F13A1: variants seen among roughly 807,000 people sequenced by gnomAD.
F13A1 encodes coagulation factor XIII A chain, also known as FSF, A subunit.
F13A1 carries 47 observed loss-of-function variants against 80.1 expected under a neutral mutation model. That is an observed-to-expected ratio of 0.59 (90% CI 0.46 to 0.75). F13A1 has a LOEUF of 0.75. F13A1 is among the 30% of genes least tolerant of loss of function. The pLI is 0.00. For missense variants in F13A1, 817 were observed against 930.4 expected (o/e 0.88, Z 1.59); for synonymous variants, 349 against 344.9 (o/e 1.01, Z -0.13).
rs1436824395 is a variant in F13A1 at position 6,222,140 on chromosome 6, A to G, written c.1005T>C (p.Ile335=). 1 of 1,614,080 alleles carries G rather than the reference A, an allele frequency of 6.2e-7. No individual in the cohort carries two copies. Among genetic ancestry groups the G allele is most frequent in the South Asian group, 1.1e-5 (1 of 91,084 alleles). Residue 335 remains isoleucine, a synonymous_variant, in exon 8 of 15, where the codon ATT becomes ATC. Coordinates refer to ENST00000264870, the MANE Select transcript of F13A1 (RefSeq NM_000129.4). ...FLRCLGIPAR[I]VTNYFSAHDN... Reference sequence around the variant, plus strand: ...CATGGGCAGAGAAATAATTGGTAACAATTCTTGCTGGTATTCCAAGGCATC... The same window carrying G: ...CATGGGCAGAGAAATAATTGGTAACGATTCTTGCTGGTATTCCAAGGCATC...
intron 14 of F13A1, among the ~76,000 whole-genome samples, chr6:6,147,214 G>A (rs1449184210): frequency 6.6e-6 from 1 of 152,198 alleles, no homozygotes; most frequent in Non-Finnish European, 1.5e-5. Flanking sequence ...TACTGCTTAG[G>A]TGATGGGTGA....
At chr6:6,172,343 C>G (rs1284093164) in intron 12 of F13A1, among the ~76,000 whole-genome samples, 1 of 152,130 alleles carries the variant, frequency 6.6e-6, no homozygotes, top group Non-Finnish European at 1.5e-5. Context: ...TGACTGTTGT[C>G]CTCTTCAGTC....
chr6:6,282,629 C>G (rs931375417), intron 3 of F13A1, among the ~76,000 whole-genome samples: 5 of 152,212 alleles, frequency 3.3e-5, no homozygotes, highest in African/African-American at 1.2e-4. Flanking sequence ...AAATGACCGA[C>G]AGGCTTATCC....
intron 3 of F13A1, among the ~76,000 whole-genome samples, chr6:6,293,589 C>A (rs540506889): frequency 9.9e-5 from 15 of 152,106 alleles, no homozygotes; most frequent in Admixed American, 3.3e-4. Context: ...GCACAAAGAA[C>A]CCCTGCAGCA....
intron 6 of F13A1, 80 bp downstream of exon 6, chr6:6,248,232 G>C: frequency 1.8e-6 from 2 of 1,099,612 alleles, no homozygotes; most frequent in South Asian, 1.3e-5. Flanking sequence ...CATCATTTCA[G>C]CAGCTCTTAA....
rs376857335 is a variant in F13A1, at chr6:6,213,072, C to T, written c.1112+8961G>A. The stretch of plus-strand genomic sequence containing the variant: ...GTCTGATTGGTGTACCTGAAAGTGA[C>T]GGGGAGAATGGAACCAAGTTGGAAA... On this transcript the variant is annotated intron_variant, in intron 8 of 14. Coordinates refer to ENST00000264870, the MANE Select transcript of F13A1 (RefSeq NM_000129.4). Among the ~76,000 whole-genome samples, 989 of 152,168 alleles carry T rather than the reference C, an allele frequency of 6.5e-3. 4 individuals carry two copies. The highest frequency in any genetic ancestry group is 0.02 in the African/African-American group (846 of 41,484).
At chr6:6,317,068 C>T (rs1003731633) in intron 2 of F13A1, among the ~76,000 whole-genome samples, 1 of 152,194 alleles carries the variant, frequency 6.6e-6, no homozygotes, top group Non-Finnish European at 1.5e-5. Flanking sequence ...TCTTCCAGTG[C>T]CTACACCCCC....
intron 1 of F13A1, among the ~76,000 whole-genome samples, chr6:6,319,121 C>T (rs1015530302): frequency 2.0e-5 from 3 of 152,138 alleles, no homozygotes; most frequent in African/African-American, 7.2e-5. Context: ...ACAACCATGT[C>T]CAGACAAATG....
chr6:6,262,280 G>A (rs193121338), intron 4 of F13A1, among the ~76,000 whole-genome samples: 4 of 152,178 alleles, frequency 2.6e-5, no homozygotes, highest in Non-Finnish European at 5.9e-5. Flanking sequence ...TCCAAGCGTG[G>A]TGACCACAGA....
chr6:6,228,491 T>C (rs1006950266), intron 6 of F13A1, among the ~76,000 whole-genome samples: 30 of 152,094 alleles, frequency 2.0e-4, no homozygotes, highest in African/African-American at 5.8e-4. Flanking sequence ...CCCAGCCCTT[T>C]GAGAGGATGA....
chr6:6,181,893 G>C, intron 11 of F13A1, 95 bp downstream of exon 11: 2 of 1,359,954 alleles, frequency 1.5e-6, no homozygotes, highest in Non-Finnish European at 2.1e-6. Flanking sequence ...TGCTGCAAAT[G>C]CCAGTGCATT....
chr6:6,181,534 T>G (rs1760986288), intron 11 of F13A1, among the ~76,000 whole-genome samples: 1 of 152,252 alleles, frequency 6.6e-6, no homozygotes, highest in Admixed American at 6.5e-5. Context: ...AATATTGTAT[T>G]ATCTACGTTG....
At chr6:6,253,142 C>CAAAA (rs397886568) in intron 4 of F13A1, among the ~76,000 whole-genome samples, 28 of 73,912 alleles carry the variant, frequency 3.8e-4, no homozygotes, top group East Asian at 2.5e-3. Flanking sequence ...GAATCTGTCC[C>CAAAA]AAAAAAAAAA....
intron 3 of F13A1, among the ~76,000 whole-genome samples, chr6:6,273,255 C>T (rs376862187): frequency 3.5e-4 from 53 of 152,254 alleles, no homozygotes; most frequent in African/African-American, 1.3e-3. Flanking sequence ...GTCTGTATAG[C>T]TCCCATAGAA....
chr6:6,310,161 G>A (rs1758569796), intron 2 of F13A1, among the ~76,000 whole-genome samples: 1 of 152,154 alleles, frequency 6.6e-6, no homozygotes, highest in Admixed American at 6.5e-5. Context: ...GGTATTGGAA[G>A]AATTAGAGCT....
chr6:6,197,284 G>A lies in F13A1; in HGVS notation c.1155C>T (p.Asp385=). 1 of 1,614,232 alleles carries A rather than the reference G, an allele frequency of 6.2e-7. No individual in the cohort carries two copies. Among genetic ancestry groups the A allele is most frequent in the Middle Eastern group, 1.7e-4 (1 of 6,050 alleles). The change falls in exon 9 of 15, where the codon GAC becomes GAT. Residue 385 remains aspartate (D), a synonymous_variant. Coordinates refer to ENST00000264870, the MANE Select transcript of F13A1 (RefSeq NM_000129.4). ...CWNEAWMTRP[D]LPVGFGGWQA... ...GCCAGCCTCCAAATCCAACAGGAAG[G>A]TCAGGCCTTGTCATCCATGCTTCAT...
intron 8 of F13A1, among the ~76,000 whole-genome samples, chr6:6,212,507 T>A (rs979543930): frequency 4.6e-5 from 7 of 152,120 alleles, no homozygotes; most frequent in African/African-American, 1.7e-4. Context: ...AGAAAGGACA[T>A]CCACACCAAA....
chr6:6,288,864 C>T (rs1374727835), intron 3 of F13A1, among the ~76,000 whole-genome samples: 1 of 152,104 alleles, frequency 6.6e-6, no homozygotes, highest in Non-Finnish European at 1.5e-5. Flanking sequence ...GAGGTGGCAC[C>T]TCATTGTGGT....
At chr6:6,308,446 G>T (rs1758543295) in intron 2 of F13A1, among the ~76,000 whole-genome samples, 1 of 134,282 alleles carries the variant, frequency 7.4e-6, no homozygotes, top group South Asian at 2.5e-4. Flanking sequence ...CATTACTCTA[G>T]TTGTGGTTTT....
Sources: gnomAD v4.1 joint callset for allele counts (sites outside exome capture counted in the v4.1 genomes callset) on GRCh38, gnomAD v4.1.1 for gene constraint, MANE v1.5 for transcripts, NCBI Gene and HGNC (gene_info 2026-07-23, HGNC 2026-07-21) for gene names.